Variants in HHLA2 observed in about 807,000 individuals in gnomAD.
HHLA2 encodes the protein HERV-H LTR-associating protein 2.
HHLA2 carries 48 observed loss-of-function variants against 45.9 expected under a neutral mutation model. The observed-to-expected ratio is 1.05, with a 90% CI of 0.83 to 1.33. HHLA2 has a LOEUF of 1.33. Ranked by LOEUF, HHLA2 falls within the 40% of genes most tolerant of loss-of-function variation. The pLI, the probability that HHLA2 is intolerant of heterozygous loss-of-function variation, is 0.00. For missense variants in HHLA2, 462 were observed against 494.3 expected (o/e 0.93, Z 0.62); for synonymous variants, 161 against 173.9 (o/e 0.93, Z 0.59).
At chr3:108,305,393 T>C (rs1211086740) in intron 1 of HHLA2, among the ~76,000 whole-genome samples, 1 of 152,136 alleles carries the variant, frequency 6.6e-6, no homozygotes, top group Non-Finnish European at 1.5e-5. Flanking sequence ...TGAAGGACTT[T>C]TCTGAATGGG....
At chr3:108,359,362 T>C (rs1296513365) in intron 7 of HHLA2, among the ~76,000 whole-genome samples, 1 of 151,562 alleles carries the variant, frequency 6.6e-6, no homozygotes, top group Admixed American at 6.6e-5. Context: ...TGGGGGAGGG[T>C]GTGCTCACCC....
chr3:108,299,374 T>C (rs12494083), intron 1 of HHLA2, among the ~76,000 whole-genome samples: 24,740 of 148,618 alleles, frequency 0.17, 3,381 homozygotes, highest in East Asian at 0.75. Context: ...AATATATAAA[T>C]GTTATATAAA....
At chr3:108,314,231 A>G (rs557984699) in intron 2 of HHLA2, among the ~76,000 whole-genome samples, 1 of 152,214 alleles carries the variant, frequency 6.6e-6, no homozygotes, top group African/African-American at 2.4e-5. Context: ...TCAAAGGAGA[A>G]AGAGATGGAG....
intron 7 of HHLA2, among the ~76,000 whole-genome samples, chr3:108,359,157 A>G (rs2107475340): frequency 6.6e-6 from 1 of 152,260 alleles, no homozygotes; most frequent in East Asian, 1.9e-4. Context: ...ATGTTGCCTC[A>G]TGTTGGATTA....
intron 3 of HHLA2, among the ~76,000 whole-genome samples, chr3:108,349,179 A>G (rs1449583997): frequency 6.8e-6 from 1 of 146,104 alleles, no homozygotes; most frequent in Non-Finnish European, 1.5e-5. Flanking sequence ...AAAACCCTTC[A>G]AAAAATCAAT....
At chr3:108,337,175 C>T (rs1303428266) in intron 3 of HHLA2, among the ~76,000 whole-genome samples, 1 of 152,116 alleles carries the variant, frequency 6.6e-6, no homozygotes, top group Non-Finnish European at 1.5e-5. Flanking sequence ...GTCAAGGTAG[C>T]ATTAACATTT....
chr3:108,371,738 C>T (rs1396606213), intron 8 of HHLA2, among the ~76,000 whole-genome samples: 5 of 152,310 alleles, frequency 3.3e-5, no homozygotes, highest in South Asian at 4.1e-4. Context: ...AAAGCCGTTA[C>T]ATAATGGTAA....
intron 8 of HHLA2, among the ~76,000 whole-genome samples, chr3:108,364,457 T>G (rs1416917083): frequency 6.6e-6 from 1 of 152,224 alleles, no homozygotes; most frequent in Non-Finnish European, 1.5e-5. Flanking sequence ...TAAACATACA[T>G]GTGCATGTGT....
At chr3:108,356,786 A>AATATAAAAATT (rs1430952199) in intron 6 of HHLA2, among the ~76,000 whole-genome samples, 1 of 152,150 alleles carries the variant, frequency 6.6e-6, no homozygotes, top group Non-Finnish European at 1.5e-5. Context: ...ATCTAGTACA[A>AATATAAAAATT]ATATAAAAAT....
intron 3 of HHLA2, among the ~76,000 whole-genome samples, chr3:108,346,549 A>G (rs945537131): frequency 6.6e-6 from 1 of 152,236 alleles, no homozygotes; most frequent in Non-Finnish European, 1.5e-5. Context: ...TGGCATAATG[A>G]TGAGAGTGAT....
intron 3 of HHLA2, among the ~76,000 whole-genome samples, chr3:108,329,629 T>G (rs1477854416): frequency 2.0e-5 from 3 of 152,190 alleles, no homozygotes; most frequent in African/African-American, 7.2e-5. Context: ...AATTCACAAC[T>G]GACTGGGTCC....
At chr3:108,355,630 T>C (rs1034765686) in intron 6 of HHLA2, among the ~76,000 whole-genome samples, 3 of 152,260 alleles carry the variant, frequency 2.0e-5, no homozygotes, top group African/African-American at 7.2e-5. Flanking sequence ...TATGTATTTA[T>C]GAGTTGAGTG....
intron 3 of HHLA2, among the ~76,000 whole-genome samples, chr3:108,340,917 T>C (rs1372909683): frequency 1.2e-4 from 1 of 8,510 alleles, no homozygotes; most frequent in Admixed American, 1.5e-3. Context: ...TTTTCCTTCC[T>C]TCCTTCCTTC....
At chr3:108,317,862 C>T (rs2081129023) in intron 2 of HHLA2, among the ~76,000 whole-genome samples, 1 of 151,990 alleles carries the variant, frequency 6.6e-6, no homozygotes, top group Admixed American at 6.5e-5. Context: ...CGTGAGCCAT[C>T]GCACCCAGCC....
intron 1 of HHLA2, among the ~76,000 whole-genome samples, chr3:108,309,329 AT>A (rs981410929): frequency 1.3e-5 from 2 of 151,538 alleles, no homozygotes; most frequent in African/African-American, 4.9e-5. Flanking sequence ...ACATATGTAG[AT>A]TTTTTTCTGG....
At chr3:108,299,542 G>A (rs1340597984) in intron 1 of HHLA2, among the ~76,000 whole-genome samples, 2 of 151,918 alleles carry the variant, frequency 1.3e-5, no homozygotes, top group Non-Finnish European at 2.9e-5. Context: ...TGCAAATTCA[G>A]GGGTGGAACA....
At chr3:108,362,934 A>G (rs1194486350) in intron 8 of HHLA2, among the ~76,000 whole-genome samples, 1 of 152,124 alleles carries the variant, frequency 6.6e-6, no homozygotes, top group Non-Finnish European at 1.5e-5. Context: ...AGGAAGCCAG[A>G]TACCTCCTTA....
intron 3 of HHLA2, among the ~76,000 whole-genome samples, chr3:108,346,494 C>A (rs1367202744): frequency 5.9e-5 from 9 of 152,146 alleles, no homozygotes. Flanking sequence ...AATGTAGCAA[C>A]CTAGAAGCTG....
Position 108,377,049 on chromosome 3 carries a change from T to C in HHLA2, c.1225-209T>C, listed in dbSNP as rs1295405139. On this transcript the variant is annotated intron_variant, in intron 10 of 10. Coordinates refer to ENST00000619531, the Ensembl canonical transcript of HHLA2. ...TTGTTTTTTCCACTGTTAAAAACCA[T>C]GAAACAGCTAGTAGGGAGATTAAAA... 12 of 520,922 alleles carry C rather than the reference T, an allele frequency of 2.3e-5. No individual in the cohort carries two copies. The East Asian group carries it at 2.7e-4, about 12-fold the overall frequency. 32.3% of individuals were successfully genotyped at this position (520,922 alleles called of 1,614,324 possible). A position where few individuals can be genotyped will look rare whatever the true frequency, so the allele number is the denominator to read the frequency against.
Sources: allele counts gnomAD v4.1 joint callset (sites outside exome capture counted in the v4.1 genomes callset), GRCh38; gene constraint gnomAD v4.1.1; transcripts MANE v1.5; gene names NCBI Gene and HGNC (gene_info 2026-07-23, HGNC 2026-07-21).